The following ARHGAP32 variants were observed in gnomAD, a reference collection of about 807,000 sequenced individuals.
The protein encoded by ARHGAP32 is Rho GTPase activating protein 32, also known as rho GTPase-activating protein 32.
In ARHGAP32, 51 loss-of-function variants were observed where a neutral mutation model predicts 186.5. The observed-to-expected ratio is 0.27, with a 90% confidence interval of 0.22 to 0.35. The LOEUF is 0.35. ARHGAP32 is among the 10% of genes least tolerant of loss of function. The pLI is 1.00. For missense variants in ARHGAP32, 2,186 were observed against 2,623.5 expected (o/e 0.83, Z 3.64); for synonymous variants, 950 against 964.3 (o/e 0.99, Z 0.27).
At chr11:129,237,871 G>A (rs936157805) in intron 1 of ARHGAP32, among the ~76,000 whole-genome samples, 9 of 152,086 alleles carry the variant, frequency 5.9e-5, no homozygotes, top group Admixed American at 5.2e-4. Flanking sequence ...GACCAAGTAG[G>A]GCAAAAATCA....
intron 15 of ARHGAP32, among the ~76,000 whole-genome samples, chr11:128,984,242 G>A (rs1241792636): frequency 6.6e-6 from 1 of 152,084 alleles, no homozygotes; most frequent in Non-Finnish European, 1.5e-5. Flanking sequence ...GGGCATGGTG[G>A]TGTGTGCCAG....
chr11:129,279,146 C>A, exon 1 of ARHGAP32: 1 of 146,604 alleles, frequency 6.8e-6, no homozygotes, highest in South Asian at 1.8e-4. Context: ...CCCGCCTTAC[C>A]GAGCCCCGCG....
chr11:129,166,203 GA>G (rs1033747987), intron 1 of ARHGAP32, among the ~76,000 whole-genome samples: 2 of 151,118 alleles, frequency 1.3e-5, no homozygotes, highest in Admixed American at 1.3e-4. Flanking sequence ...AGAACACAGA[GA>G]AAAAAAGGAA....
chr11:129,114,722 T>C (rs888019443), intron 5 of ARHGAP32, among the ~76,000 whole-genome samples: 5 of 152,170 alleles, frequency 3.3e-5, no homozygotes, highest in Non-Finnish European at 7.4e-5. Context: ...CTTCATCTAT[T>C]AGAAATGGCA....
At chr11:129,089,993 A>G (rs1941527281) in intron 6 of ARHGAP32, among the ~76,000 whole-genome samples, 1 of 152,192 alleles carries the variant, frequency 6.6e-6, no homozygotes. Flanking sequence ...AGAGACTTAA[A>G]TCTCAGCCTG....
At chr11:129,277,013 CT>C (rs1233195126) in intron 1 of ARHGAP32, among the ~76,000 whole-genome samples, 1 of 152,184 alleles carries the variant, frequency 6.6e-6, no homozygotes, top group Non-Finnish European at 1.5e-5. Flanking sequence ...TAGTCTTACT[CT>C]TTAAAAGTTC....
At position 128,998,419 on chromosome 11, in the gene ARHGAP32, C is replaced by T. The variant is rs367782196; in HGVS notation, c.1095G>A (p.Lys365=). The change falls in exon 12 of 23, where the codon AAG becomes AAA. Residue 365 remains lysine, a synonymous_variant. Coordinates refer to ENST00000682385, the MANE Select transcript of ARHGAP32 (RefSeq NM_001378024.1). Reference sequence around the variant, plus strand: ...TCAGCTTCTGTTTTGTTGGACGAGACTTCATGAATGTTCGTAAGAACGTAA... The same window carrying T: ...TCAGCTTCTGTTTTGTTGGACGAGATTTCATGAATGTTCGTAAGAACGTAA... ...KLITFLRTFM[K]SRPTKQKLKQ... is the part of the protein sequence containing the mutation. 6.3e-7 allele frequency: 1 copy of T among 1,592,392 alleles called. No individual in the cohort carries two copies. Among genetic ancestry groups the T allele is most frequent in the Non-Finnish European group, 8.6e-7 (1 of 1,168,086 alleles).
chr11:129,044,866 C>G (rs1268469498), intron 10 of ARHGAP32, among the ~76,000 whole-genome samples: 4 of 151,168 alleles, frequency 2.6e-5, no homozygotes, highest in African/African-American at 7.3e-5. Context: ...TGCCTAGTTT[C>G]TAAGTTCGAG....
intron 1 of ARHGAP32, among the ~76,000 whole-genome samples, chr11:129,171,461 G>A (rs991524211): frequency 1.3e-5 from 2 of 152,178 alleles, no homozygotes; most frequent in South Asian, 4.1e-4. Context: ...TGTCAGGTTT[G>A]TCAAAGATCA....
chr11:129,242,937 G>A (rs1025157390), intron 1 of ARHGAP32, among the ~76,000 whole-genome samples: 1 of 151,928 alleles, frequency 6.6e-6, no homozygotes, highest in Non-Finnish European at 1.5e-5. Flanking sequence ...ACACCTACCT[G>A]CACATTTTCC....
chr11:129,100,990 T>C (rs546015197), intron 5 of ARHGAP32, among the ~76,000 whole-genome samples: 11 of 152,308 alleles, frequency 7.2e-5, no homozygotes, highest in South Asian at 4.1e-4. Flanking sequence ...TCACCACCCA[T>C]TGGAGTGTAG....
At chr11:129,218,139 T>C (rs940923937) in intron 1 of ARHGAP32, among the ~76,000 whole-genome samples, 3 of 152,216 alleles carry the variant, frequency 2.0e-5, no homozygotes, top group African/African-American at 7.2e-5. Context: ...TTATGCAAAT[T>C]CAAAACCTTT....
chr11:129,100,044 CAG>C (rs1469746241), intron 5 of ARHGAP32, among the ~76,000 whole-genome samples: 3 of 152,166 alleles, frequency 2.0e-5, no homozygotes, highest in African/African-American at 4.8e-5. Flanking sequence ...CCCTGGCAGG[CAG>C]AGACCCCCCT....
Position 129,123,888 on chromosome 11 carries a change from CT to C in ARHGAP32, c.358del (p.Arg120GlyfsTer39). 7.7e-7 allele frequency: 1 copy of C among 1,296,826 alleles called. No individual in the cohort carries two copies. Among genetic ancestry groups the C allele is most frequent in the Non-Finnish European group, 1.0e-6 (1 of 993,780 alleles). 80.3% of individuals were successfully genotyped at this position (1,296,826 alleles called of 1,614,324 possible). ...PGLMGCDNIHRLPFTKGHFPK... is the reference protein window; with the variant it reads ...PGLMGCDNIHXLPFTKGHFPK... ...CACAAAGTAGAAAACCAGATTTTAC[CT>C]GTGAATGTTGTCACAGCCCATCAGT... On this transcript the variant is annotated frameshift_variant and splice_region_variant, in exon 4 of 23. Coordinates refer to ENST00000682385, the MANE Select transcript of ARHGAP32 (RefSeq NM_001378024.1). LOFTEE classifies it high-confidence loss of function. This position sits in a 1 kb window ranked among gnomAD's most constrained non-coding sequence, Gnocchi z 4.6.
At position 128,974,603 on chromosome 11, in the gene ARHGAP32, C is replaced by A; in HGVS notation, c.2594G>T (p.Ser865Ile). 6.2e-7 allele frequency: 1 copy of A among 1,614,152 alleles called. No homozygotes were observed. The highest frequency in any genetic ancestry group is 8.5e-7 in the Non-Finnish European group (1 of 1,180,026). ...SQCQTPGSTA[S>I]SEPVSPLQEK... ...CTGAAGAGGAGAGACAGGTTCAGAG[C>A]TTGCTGTGCTTCCTGGAGTCTGACA... Residue 865 changes from serine (S) to isoleucine (I), a missense_variant, in exon 21 of 23, where the codon AGC becomes ATC. Physicochemically the swap from Ser to Ile is moderately radical, Grantham distance 142. Around this residue, in one of 5 missense-constraint regions of ARHGAP32, gnomAD observed 1,502 missense variants for 1,570.0 expected, o/e 0.96. Coordinates refer to ENST00000682385, the MANE Select transcript of ARHGAP32 (RefSeq NM_001378024.1).
Position 129,086,021 on chromosome 11 carries a change from A to C in ARHGAP32, c.531+7600T>G, listed in dbSNP as rs532472812. Among the ~76,000 whole-genome samples, 539 of 150,196 alleles carry C rather than the reference A, an allele frequency of 3.6e-3. 11 individuals are homozygous for C. The South Asian group carries it at 0.056, about 16-fold the overall frequency. ...AAAAACAAACAAACAAACAAACAAA[A>C]AAAAAAAACAAAAAAAAGAAGCCAT... On this transcript the variant is annotated intron_variant, in intron 6 of 22. Coordinates refer to ENST00000682385, the MANE Select transcript of ARHGAP32 (RefSeq NM_001378024.1).
chr11:129,254,741 C>T (rs978537350), intron 1 of ARHGAP32, among the ~76,000 whole-genome samples: 7 of 152,060 alleles, frequency 4.6e-5, no homozygotes, highest in African/African-American at 1.7e-4. Flanking sequence ...AAGGAAACAA[C>T]TGGTTACTTA....
intron 5 of ARHGAP32, among the ~76,000 whole-genome samples, chr11:129,096,533 G>A (rs535096910): frequency 8.1e-5 from 8 of 99,194 alleles, no homozygotes; most frequent in South Asian, 3.4e-4. Context: ...CCCCGGCCCC[G>A]CCCCGCCCCT....
chr11:129,268,248 C>A (rs566416378), intron 1 of ARHGAP32, among the ~76,000 whole-genome samples: 1 of 152,124 alleles, frequency 6.6e-6, no homozygotes, highest in South Asian at 2.1e-4. Context: ...GATAAAAGAA[C>A]TAGCCATTTT....
Sources: gnomAD v4.1 joint callset for allele counts (sites outside exome capture counted in the v4.1 genomes callset) on GRCh38, gnomAD v4.1.1 for gene constraint, gnomAD v4.1.1 regional missense constraint, Gnocchi (gnomAD v3.1) non-coding constraint, MANE v1.5 for transcripts, NCBI Gene and HGNC (gene_info 2026-07-23, HGNC 2026-07-21) for gene names.